Variants in KIRREL3 observed in about 807,000 individuals in gnomAD.
The protein encoded by KIRREL3 is kirre like nephrin family adhesion molecule 3, also known as kin of IRRE-like protein 3.
KIRREL3 carries 36 observed loss-of-function variants against 89.7 expected under a neutral mutation model. The ratio of observed to expected loss-of-function variants is 0.40; its 90% CI spans 0.31 to 0.53. The LOEUF is 0.53. KIRREL3 is among the 20% of genes least tolerant of loss of function. The pLI is 0.49. For synonymous variants in KIRREL3, 445 were observed against 441.4 expected (o/e 1.01, Z -0.10); for missense variants, 864 against 1,056.6 (o/e 0.82, Z 2.53).
At position 126,768,166 on chromosome 11, in the gene KIRREL3, ATCCAATCCATCC is replaced by A. The variant is rs796925163; in HGVS notation, c.56-205266_56-205255del. ...CATCCATCCATCCATCCATCCATCC[ATCCAATCCATCC>A]ATCCATCCATCCATCCATCCATCCA... is the stretch of plus-strand genomic sequence containing the variant. On this transcript the variant is annotated intron_variant, in intron 1 of 16. Transcript: ENST00000525144. The surrounding 1 kb of genome is among the most constrained non-coding windows in gnomAD (Gnocchi z 4.5). Among the ~76,000 whole-genome samples, 24,189 of 122,626 alleles carry A rather than the reference ATCCAATCCATCC, an allele frequency of 0.2. 2,625 individuals carry two copies. Among genetic ancestry groups the A allele is most frequent in the East Asian group, 0.58 (2,060 of 3,576 alleles). 80.4% of individuals were successfully genotyped at this position (122,626 alleles called of 152,430 possible). A position where few individuals can be genotyped will look rare whatever the true frequency, so the allele number is the denominator to read the frequency against.
chr11:126,572,304 C>G (rs1323008681), intron 1 of KIRREL3, among the ~76,000 whole-genome samples: 1 of 152,226 alleles, frequency 6.6e-6, no homozygotes, highest in African/African-American at 2.4e-5. Context: ...GGCCCAATAA[C>G]AGGTTATACA....
intron 4 of KIRREL3, among the ~76,000 whole-genome samples, chr11:126,502,246 C>T (rs1434594668): frequency 1.3e-5 from 2 of 152,176 alleles, no homozygotes; most frequent in East Asian, 3.9e-4. Flanking sequence ...CTCATGCTGC[C>T]TAGCACAGGG....
In KIRREL3 at chr11:126,726,778, C is replaced by T. The variant is rs77000555; in HGVS notation, c.56-163866G>A. 9.3e-3 allele frequency among the ~76,000 whole-genome samples: 1,415 copies of T among 152,342 alleles called. 18 individuals carry two copies. The highest frequency in any genetic ancestry group is 0.032 in the African/African-American group (1,338 of 41,564). ...TAGCAAAACTCTGTATTGGCCTACA[C>T]ATGCCAATGTGTTGAGCATGCCATG... On this transcript the variant is annotated intron_variant, in intron 1 of 16. Transcript: ENST00000525144.
chr11:126,908,142 C>A lies in KIRREL3; in HGVS notation c.55+92313G>T, dbSNP rs1027535460. ...GCCCCCTCCCGTCAGAATGCAAGTC[C>A]TATGAAGGCAAATATCTGTTTTGTT... On this transcript the variant is annotated intron_variant, in intron 1 of 16. Transcript: ENST00000525144. The surrounding 1 kb of genome is among the most constrained non-coding windows in gnomAD (Gnocchi z 4.2). Among the ~76,000 whole-genome samples, 3 of 152,166 alleles carry A rather than the reference C, an allele frequency of 2.0e-5. No individual in the cohort carries two copies. The highest frequency in any genetic ancestry group is 7.2e-5 in the African/African-American group (3 of 41,422).
chr11:126,954,010 G>A lies in KIRREL3; in HGVS notation c.55+46445C>T, dbSNP rs1469977492. ...GCACATCTGTCAGAGGTGTGAGCCT[G>A]TGTGTGTGTGCACAGGGGTGTGTGT... On this transcript the variant is annotated intron_variant, in intron 1 of 16. Coordinates refer to ENST00000525144, the MANE Select transcript of KIRREL3 (RefSeq NM_032531.4). The surrounding 1 kb of genome is among the most constrained non-coding windows in gnomAD (Gnocchi z 4.1). Among the ~76,000 whole-genome samples the A allele has an allele frequency of 6.6e-6, 1 of 152,116 alleles. No individual in the cohort carries two copies.
In KIRREL3 at chr11:126,996,935, A is replaced by G. The variant is rs941525324; in HGVS notation, c.55+3520T>C. Among the ~76,000 whole-genome samples the G allele has an allele frequency of 1.2e-4, 18 of 152,160 alleles. No individual in the cohort carries two copies. The highest frequency in any genetic ancestry group is 4.3e-4 in the African/African-American group (18 of 41,454). ...GGAATGCCAGAGCAAAATGCCAGAG[A>G]GTAGGGAAGAGACCACCTTTCTTAA... On this transcript the variant is annotated intron_variant, in intron 1 of 16. Transcript: ENST00000525144. The surrounding 1 kb of genome is among the most constrained non-coding windows in gnomAD (Gnocchi z 4.7).
intron 2 of KIRREL3, among the ~76,000 whole-genome samples, chr11:126,543,760 C>T (rs1171541390): frequency 1.3e-5 from 2 of 152,334 alleles, no homozygotes; most frequent in South Asian, 4.1e-4. Flanking sequence ...GGGCAAAAGT[C>T]GTTGGCACCA....
rs1488690206 is a variant in KIRREL3 at position 126,544,310 on chromosome 11, G to A, written c.134-17623C>T. ...AACTGCACAATAACTGCAGGTCCTT[G>A]CTGCTTATTGGGTAATTTACTAAGG... On this transcript the variant is annotated intron_variant, in intron 2 of 16. Transcript: ENST00000525144. The surrounding 1 kb of genome is among the most constrained non-coding windows in gnomAD (Gnocchi z 5.6). The A allele has an allele frequency of 6.6e-6, 1 of 152,226 alleles. No individual in the cohort carries two copies. Among genetic ancestry groups the A allele is most frequent in the African/African-American group, 2.4e-5 (1 of 41,458 alleles). 9.4% of individuals were successfully genotyped at this position (152,226 alleles called of 1,614,324 possible).
chr11:126,576,180 G>A lies in KIRREL3; in HGVS notation c.56-13268C>T, dbSNP rs959386040. 3.9e-5 allele frequency among the ~76,000 whole-genome samples: 6 copies of A among 152,180 alleles called. No individual in the cohort carries two copies. Among genetic ancestry groups the A allele is most frequent in the Admixed American group, 3.3e-4 (5 of 15,284 alleles). The stretch of plus-strand genomic sequence containing the variant: ...TGTGTGTCCCTTCAAAATTCTGGGG[G>A]CCAAGATGAGGGCTGAGGTCTGAGA... On this transcript the variant is annotated intron_variant, in intron 1 of 16. Transcript: ENST00000525144. The surrounding 1 kb of genome is among the most constrained non-coding windows in gnomAD (Gnocchi z 5.4).
rs540072387 is a variant in KIRREL3, at chr11:126,742,057, C to T, written c.56-179145G>A. On this transcript the variant is annotated intron_variant, in intron 1 of 16. Transcript: ENST00000525144. This position sits in a 1 kb window ranked among gnomAD's most constrained non-coding sequence, Gnocchi z 5.3. ...TAAGAAGGGAGAACTATTTAGAACACATGTGAAACTCTATTTACACCAAGC... is the reference window on the plus strand; with the variant it reads ...TAAGAAGGGAGAACTATTTAGAACATATGTGAAACTCTATTTACACCAAGC... 6.6e-6 allele frequency among the ~76,000 whole-genome samples: 1 copy of T among 152,226 alleles called. No individual in the cohort carries two copies. Among genetic ancestry groups the T allele is most frequent in the Non-Finnish European group, 1.5e-5 (1 of 68,036 alleles).
intron 1 of KIRREL3, among the ~76,000 whole-genome samples, chr11:126,733,804 T>C (rs998592142): frequency 1.3e-5 from 2 of 152,192 alleles, no homozygotes; most frequent in Non-Finnish European, 2.9e-5. Flanking sequence ...GAAAAAAATT[T>C]GTAGTTTTAA....
intron 7 of KIRREL3, among the ~76,000 whole-genome samples, chr11:126,451,266 G>A (rs1269406081): frequency 2.0e-5 from 3 of 149,694 alleles, no homozygotes; most frequent in African/African-American, 7.4e-5. Flanking sequence ...CATTGCTTGT[G>A]TGTCCGTGTG....
At chr11:126,889,025 G>T (rs1945804487) in intron 1 of KIRREL3, among the ~76,000 whole-genome samples, 1 of 152,224 alleles carries the variant, frequency 6.6e-6, no homozygotes, top group Non-Finnish European at 1.5e-5. Context: ...CCCAAGGGGT[G>T]TGCCTGTGTT....
chr11:126,451,400 A>ATG (rs751719705), intron 7 of KIRREL3, among the ~76,000 whole-genome samples: 3 of 73,048 alleles, frequency 4.1e-5, no homozygotes, highest in East Asian at 4.7e-4. Context: ...GAACGTGTGC[A>ATG]TGTGTGCATG....
Position 126,924,642 on chromosome 11 carries a change from A to T in KIRREL3, c.55+75813T>A, listed in dbSNP as rs955257030. On this transcript the variant is annotated intron_variant, in intron 1 of 16. Transcript: ENST00000525144. The surrounding 1 kb of genome is among the most constrained non-coding windows in gnomAD (Gnocchi z 4.7). ...GCAGGGCTGTTGGGGGATTTGGAAG[A>T]AGTGTTAAAGAAAAAGGAGCAGCTT... is the stretch of plus-strand genomic sequence containing the variant. Among the ~76,000 whole-genome samples the T allele has an allele frequency of 1.3e-5, 2 of 152,088 alleles. No individual in the cohort carries two copies. The highest frequency in any genetic ancestry group is 4.8e-5 in the African/African-American group (2 of 41,430).
At chr11:126,854,400 C>T (rs1311617819) in intron 1 of KIRREL3, among the ~76,000 whole-genome samples, 1 of 152,124 alleles carries the variant, frequency 6.6e-6, no homozygotes, top group African/African-American at 2.4e-5. Context: ...TTACCTCCAG[C>T]CCCTGACAAC....
rs758804083 is a variant in KIRREL3 at position 126,636,408 on chromosome 11, C to T, written c.56-73496G>A. 9.2e-5 allele frequency among the ~76,000 whole-genome samples: 14 copies of T among 152,202 alleles called. No individual in the cohort carries two copies. The highest frequency in any genetic ancestry group is 1.6e-4 in the Non-Finnish European group (11 of 68,036). On this transcript the variant is annotated intron_variant, in intron 1 of 16. Coordinates refer to ENST00000525144, the MANE Select transcript of KIRREL3 (RefSeq NM_032531.4). This position sits in a 1 kb window ranked among gnomAD's most constrained non-coding sequence, Gnocchi z 4.4. ...GTAAGTGAGTGCCTTCCTCTTTCTC[C>T]CTTCTGGCACTTGTTCTGTTGAGAG... is the stretch of plus-strand genomic sequence containing the variant.
In KIRREL3 at chr11:126,877,969, A is replaced by G. The variant is rs556440106; in HGVS notation, c.55+122486T>C. On this transcript the variant is annotated intron_variant, in intron 1 of 16. Transcript: ENST00000525144. The surrounding 1 kb of genome is among the most constrained non-coding windows in gnomAD (Gnocchi z 4.9). ...TCTCACTTCACCAATGATGGGACCT[A>G]GAATCAAAGATATGGAGGTGACTCG... is the stretch of plus-strand genomic sequence containing the variant. 1.3e-5 allele frequency among the ~76,000 whole-genome samples: 2 copies of G among 152,312 alleles called. No homozygotes were observed. Among genetic ancestry groups the G allele is most frequent in the South Asian group, 4.1e-4 (2 of 4,826 alleles).
chr11:126,714,113 TC>T (rs1413811682), intron 1 of KIRREL3, among the ~76,000 whole-genome samples: 3 of 152,098 alleles, frequency 2.0e-5, no homozygotes, highest in African/African-American at 7.2e-5. Flanking sequence ...AGACCCTCAC[TC>T]CCAGGCTGGT....
Sources: gnomAD v4.1 joint callset for allele counts (sites outside exome capture counted in the v4.1 genomes callset) on GRCh38, gnomAD v4.1.1 for gene constraint, Gnocchi (gnomAD v3.1) non-coding constraint, MANE v1.5 for transcripts, NCBI Gene and HGNC (gene_info 2026-07-23, HGNC 2026-07-21) for gene names.